Variants in PCED1B observed in about 807,000 individuals in gnomAD.
The protein encoded by PCED1B is PC-esterase domain-containing protein 1B.
For synonymous variants in PCED1B, 251 were observed against 246.1 expected, an observed-to-expected ratio of 1.02 and a Z score of -0.19; for missense variants, 573 against 573.9, an observed-to-expected ratio of 1.00 and a Z score of 0.02.
chr12:47,175,376 T>C (rs1482886245), intron 2 of PCED1B, among the ~76,000 whole-genome samples: 5 of 152,206 alleles, frequency 3.3e-5, no homozygotes. Flanking sequence ...AGTATCTTTA[T>C]ATCCATGAAT....
At chr12:47,150,341 C>T (rs1180643059) in intron 2 of PCED1B, among the ~76,000 whole-genome samples, 4 of 151,788 alleles carry the variant, frequency 2.6e-5, no homozygotes, top group African/African-American at 9.7e-5. Flanking sequence ...TTTGGGAGGT[C>T]AAGGCAGGAG....
chr12:47,108,543 G>A (rs1359236620), intron 2 of PCED1B, among the ~76,000 whole-genome samples: 1 of 152,062 alleles, frequency 6.6e-6, no homozygotes, highest in Non-Finnish European at 1.5e-5. Flanking sequence ...TAATCTTTTC[G>A]ATTAAATTGC....
chr12:47,132,835 G>A (rs1405018415), intron 2 of PCED1B, among the ~76,000 whole-genome samples: 1 of 152,106 alleles, frequency 6.6e-6, no homozygotes, highest in Non-Finnish European at 1.5e-5. Flanking sequence ...AATCTAACTG[G>A]TACAAATATC....
chr12:47,154,779 ATGTGTGTGTGTG>A (rs3989869), intron 2 of PCED1B, among the ~76,000 whole-genome samples: 91 of 146,700 alleles, frequency 6.2e-4, no homozygotes, highest in African/African-American at 2.2e-3. Flanking sequence ...GTGTGTGTGC[ATGTGTGTGTGTG>A]TGTGTGTGTG....
intron 2 of PCED1B, among the ~76,000 whole-genome samples, chr12:47,188,763 A>T (rs1448062569): frequency 6.6e-6 from 1 of 152,210 alleles, no homozygotes; most frequent in African/African-American, 2.4e-5. Context: ...GGGAGTTGGG[A>T]TGAATGTGAA....
intron 2 of PCED1B, among the ~76,000 whole-genome samples, chr12:47,133,868 GA>G (rs762466024): frequency 4.6e-5 from 7 of 152,308 alleles, no homozygotes; most frequent in Non-Finnish European, 5.9e-5. Context: ...CTAGCCTCAT[GA>G]ATGGGATTAG....
chr12:47,119,650 T>C (rs948848163), intron 2 of PCED1B, among the ~76,000 whole-genome samples: 5 of 151,894 alleles, frequency 3.3e-5, no homozygotes, highest in Non-Finnish European at 5.9e-5. Flanking sequence ...AAGAGACTTA[T>C]GTCCAGAATA....
At chr12:47,131,360 A>G (rs560267138) in intron 2 of PCED1B, among the ~76,000 whole-genome samples, 14 of 152,208 alleles carry the variant, frequency 9.2e-5, no homozygotes, top group Middle Eastern at 6.8e-3. Context: ...CCTCTCAGAA[A>G]CTCAGTGTAT....
intron 3 of PCED1B, among the ~76,000 whole-genome samples, chr12:47,222,422 CAAAA>C (rs750444043): frequency 6.1e-5 from 5 of 81,638 alleles, no homozygotes; most frequent in African/African-American, 1.8e-4. Context: ...AACTCCATCT[CAAAA>C]AAAAAAAAAA....
chr12:47,090,625 G>A (rs75483354), intron 1 of PCED1B, among the ~76,000 whole-genome samples: 2,709 of 152,178 alleles, frequency 0.018, 79 homozygotes, highest in African/African-American at 0.062. Flanking sequence ...TAATTTCCCA[G>A]TGGTAACCAC....
intron 3 of PCED1B, among the ~76,000 whole-genome samples, chr12:47,224,850 A>G (rs571249187): frequency 5.3e-5 from 8 of 152,344 alleles, no homozygotes; most frequent in African/African-American, 1.9e-4. Flanking sequence ...TCCGAGACCT[A>G]CGTAGGAAGT....
At chr12:47,194,476 A>G (rs1362786741) in intron 2 of PCED1B, among the ~76,000 whole-genome samples, 1 of 152,042 alleles carries the variant, frequency 6.6e-6, no homozygotes, top group Non-Finnish European at 1.5e-5. Flanking sequence ...CCTTGCTGGG[A>G]TGGGTCTCTT....
intron 2 of PCED1B, among the ~76,000 whole-genome samples, chr12:47,155,666 T>C (rs2137475983): frequency 6.6e-6 from 1 of 152,242 alleles, no homozygotes; most frequent in Admixed American, 6.5e-5. Flanking sequence ...AGAGGTTAGG[T>C]AAAGTATGAA....
intron 2 of PCED1B, among the ~76,000 whole-genome samples, chr12:47,117,377 G>A (rs552408232): frequency 2.0e-5 from 3 of 152,070 alleles, no homozygotes; most frequent in South Asian, 2.1e-4. Context: ...GCCCCAGTGT[G>A]TGATGTTCCC....
At chr12:47,105,127 C>T (rs998037082) in intron 2 of PCED1B, among the ~76,000 whole-genome samples, 1 of 152,144 alleles carries the variant, frequency 6.6e-6, no homozygotes, top group Admixed American at 6.5e-5. Flanking sequence ...CCTTACAAAG[C>T]AGAGACAGCA....
chr12:47,148,713 G>C (rs1940882483), intron 2 of PCED1B, among the ~76,000 whole-genome samples: 1 of 152,162 alleles, frequency 6.6e-6, no homozygotes, highest in African/African-American at 2.4e-5. Flanking sequence ...ACAAAGGAAA[G>C]CCTTCTACTC....
intron 1 of PCED1B, among the ~76,000 whole-genome samples, chr12:47,101,675 G>A (rs552933374): frequency 2.6e-5 from 4 of 152,112 alleles, no homozygotes; most frequent in Non-Finnish European, 4.4e-5. Context: ...GTCCGGGCAC[G>A]GTGGCTCACA....
chr12:47,114,815 T>C (rs1592156232), intron 2 of PCED1B, among the ~76,000 whole-genome samples: 1 of 152,228 alleles, frequency 6.6e-6, no homozygotes. Flanking sequence ...CGTGATCATC[T>C]TACTTCATGA....
At chr12:47,130,374 T>C (rs76981153) in intron 2 of PCED1B, among the ~76,000 whole-genome samples, 12,616 of 152,214 alleles carry the variant, frequency 0.083, 860 homozygotes, top group African/African-American at 0.19. Context: ...TGTTTAATTG[T>C]GATTTTCACT....
Sources: allele counts gnomAD v4.1 joint callset (sites outside exome capture counted in the v4.1 genomes callset), GRCh38; gene constraint gnomAD v4.1.1; transcripts MANE v1.5; gene names NCBI Gene and HGNC (gene_info 2026-07-23, HGNC 2026-07-21).